The following RBFOX3 variants were observed in gnomAD, a reference collection of about 807,000 sequenced individuals.
RBFOX3 encodes the protein RNA binding protein fox-1 homolog 3.
A neutral mutation model predicts 48.7 loss-of-function variants in RBFOX3; 17 were observed. The ratio of observed to expected loss-of-function variants is 0.35; its 90% CI spans 0.24 to 0.52. The LOEUF is 0.52. Among genes scored for constraint, RBFOX3 ranks in the 20% least tolerant of loss-of-function variants. RBFOX3 has a pLI of 0.94. For missense variants in RBFOX3, 382 were observed against 497.5 expected, an observed-to-expected ratio of 0.77 and a Z score of 2.21; for synonymous variants, 212 against 209.5, an observed-to-expected ratio of 1.01 and a Z score of -0.10.
intron 3 of RBFOX3, among the ~76,000 whole-genome samples, chr17:79,241,356 C>T (rs1207568748): frequency 6.6e-6 from 1 of 152,120 alleles, no homozygotes; most frequent in Non-Finnish European, 1.5e-5. Context: ...CACCATCCTG[C>T]ACTTCTGGGG....
the RBFOX3 span, among the ~76,000 whole-genome samples, chr17:79,624,458 C>A: frequency 6.6e-6 from 1 of 152,310 alleles, no homozygotes; most frequent in Non-Finnish European, 1.5e-5. Context: ...AGTTGCCAGG[C>A]AGCCAGAAAG....
At chr17:79,518,619 A>C (rs2085600479) in intron 1 of RBFOX3, among the ~76,000 whole-genome samples, 1 of 152,200 alleles carries the variant, frequency 6.6e-6, no homozygotes, top group African/African-American at 2.4e-5. Flanking sequence ...CCACCACTGG[A>C]AGGGCAGGCC....
At position 79,239,087 on chromosome 17, in the gene RBFOX3, AACCAACTCCAGTGG is replaced by A. The variant is rs1567897346; in HGVS notation, c.-73-3296_-73-3283del. ...GCAGAGCAGCCCACAATTTGGGAGC[AACCAACTCCAGTGG>A]TGGCCTGGTTGCCCATCCCTGGGAT... On this transcript the variant is annotated intron_variant, in intron 3 of 14. Transcript: ENST00000693108. Among the ~76,000 whole-genome samples the A allele has an allele frequency of 3.9e-5, 6 of 152,174 alleles. No individual in the cohort carries two copies. In the East Asian group the frequency reaches 9.7e-4, roughly 24 times the overall value.
chr17:79,274,884 C>T (rs2068436993), intron 3 of RBFOX3, among the ~76,000 whole-genome samples: 1 of 151,976 alleles, frequency 6.6e-6, no homozygotes, highest in South Asian at 2.1e-4. Context: ...ACCCCAAATC[C>T]CCTTCTCTCT....
intron 1 of RBFOX3, among the ~76,000 whole-genome samples, chr17:79,597,298 G>C (rs2093593472): frequency 6.6e-6 from 1 of 152,194 alleles, no homozygotes; most frequent in Admixed American, 6.5e-5. Flanking sequence ...TGTGCTCCAG[G>C]GACTCCGGTT....
chr17:79,573,482 G>A (rs981665401), intron 1 of RBFOX3, among the ~76,000 whole-genome samples: 199 of 152,272 alleles, frequency 1.3e-3, no homozygotes, highest in Non-Finnish European at 2.4e-3. Context: ...CACGGCCCTG[G>A]AGACACTCTC....
At position 79,212,287 on chromosome 17, in the gene RBFOX3, C is replaced by T. The variant is rs1020565207; in HGVS notation, c.-34+23479G>A. Among the ~76,000 whole-genome samples, 15 of 152,166 alleles carry T rather than the reference C, an allele frequency of 9.9e-5. No individual in the cohort carries two copies. The highest frequency in any genetic ancestry group is 3.4e-4 in the African/African-American group (14 of 41,432). On this transcript the variant is annotated intron_variant, in intron 4 of 14. Coordinates refer to ENST00000693108, the MANE Select transcript of RBFOX3 (RefSeq NM_001350451.2). The surrounding 1 kb of genome is among the most constrained non-coding windows in gnomAD (Gnocchi z 4.7). ...GGGCTGGGGCTGGGGCAGGGCTGCT[C>T]CGCCTGGGCTCCTACGTGACTCCTT...
chr17:79,285,065 C>T (rs1206791754), intron 3 of RBFOX3, among the ~76,000 whole-genome samples: 2 of 152,334 alleles, frequency 1.3e-5, no homozygotes, highest in South Asian at 4.1e-4. Context: ...CTCAGTTTTC[C>T]ATCCACAAAA....
chr17:79,418,462 G>A lies in RBFOX3; in HGVS notation c.-175+63992C>T, dbSNP rs1259091416. 3.3e-5 allele frequency among the ~76,000 whole-genome samples: 5 copies of A among 152,222 alleles called. No individual in the cohort carries two copies. Among genetic ancestry groups the A allele is most frequent in the East Asian group, 1.9e-4 (1 of 5,198 alleles). On this transcript the variant is annotated intron_variant, in intron 2 of 14. Coordinates refer to ENST00000693108, the MANE Select transcript of RBFOX3 (RefSeq NM_001350451.2). The surrounding 1 kb of genome is among the most constrained non-coding windows in gnomAD (Gnocchi z 5.0). ...AAGAAGGATTCACACCGTGCCACGC[G>A]AGAAAGCCGTGTGTGTCAGCCAAGA...
At chr17:79,157,943 G>C (rs755054944) in intron 4 of RBFOX3, among the ~76,000 whole-genome samples, 1 of 152,196 alleles carries the variant, frequency 6.6e-6, no homozygotes, top group Non-Finnish European at 1.5e-5. Context: ...GAGAACGACC[G>C]AGCTGTATCA....
Position 79,423,549 on chromosome 17 carries a change from C to G in RBFOX3, c.-175+58905G>C, listed in dbSNP as rs575761652. ...CCCAGCACCTGGGGTTCTCCGCTAT[C>G]TCCCACACATCGTTCTCAAACGCCG... On this transcript the variant is annotated intron_variant, in intron 2 of 14. Coordinates refer to ENST00000693108, the MANE Select transcript of RBFOX3 (RefSeq NM_001350451.2). The surrounding 1 kb of genome is among the most constrained non-coding windows in gnomAD (Gnocchi z 4.9). Among the ~76,000 whole-genome samples, 1 of 152,094 alleles carries G rather than the reference C, an allele frequency of 6.6e-6. No individual in the cohort carries two copies. The highest frequency in any genetic ancestry group is 2.1e-4 in the South Asian group (1 of 4,832).
At position 79,332,976 on chromosome 17, in the gene RBFOX3, G is replaced by A. The variant is rs1028737981; in HGVS notation, c.-174-25152C>T. On this transcript the variant is annotated intron_variant, in intron 2 of 14. Transcript: ENST00000693108. ...GGAGGGAAAGAGACAGACAGAAAGAGGTAGAGAGACAGAGAGAGAGAAACA... is the reference window on the plus strand; with the variant it reads ...GGAGGGAAAGAGACAGACAGAAAGAAGTAGAGAGACAGAGAGAGAGAAACA... 6.0e-5 allele frequency among the ~76,000 whole-genome samples: 9 copies of A among 149,100 alleles called. 1 individual carries two copies. The highest frequency in any genetic ancestry group is 1.3e-4 in the Non-Finnish European group (9 of 67,164).
chr17:79,514,018 TC>T (rs1354214280), intron 1 of RBFOX3, among the ~76,000 whole-genome samples: 5 of 152,178 alleles, frequency 3.3e-5, no homozygotes, highest in African/African-American at 1.2e-4. Context: ...CTGTGATTGG[TC>T]CAGGGGCAGG....
chr17:79,318,330 C>G (rs2077829800), intron 2 of RBFOX3, among the ~76,000 whole-genome samples: 1 of 152,118 alleles, frequency 6.6e-6, no homozygotes, highest in African/African-American at 2.4e-5. Flanking sequence ...GAGCCAAAAC[C>G]CAGGAGATGA....
intron 2 of RBFOX3, among the ~76,000 whole-genome samples, chr17:79,440,393 C>A (rs952473141): frequency 2.0e-5 from 3 of 152,136 alleles, no homozygotes; most frequent in Non-Finnish European, 4.4e-5. Context: ...ATCTGATGCA[C>A]CAGGGGCCCG....
At chr17:79,091,876 G>A in intron 14 of RBFOX3, 1 of 788,332 alleles carries the variant, frequency 1.3e-6, no homozygotes. Flanking sequence ...GTGCTAAGGA[G>A]TCGCAGAGAC....
At chr17:79,105,780 A>G (rs1228503084) in intron 6 of RBFOX3, among the ~76,000 whole-genome samples, 1 of 152,116 alleles carries the variant, frequency 6.6e-6, no homozygotes. Flanking sequence ...TGGGGTGGGC[A>G]CCGTGGCAGG....
At chr17:79,446,143 A>G (rs909590612) in intron 2 of RBFOX3, among the ~76,000 whole-genome samples, 1 of 151,194 alleles carries the variant, frequency 6.6e-6, no homozygotes, top group Non-Finnish European at 1.5e-5. Flanking sequence ...GAGGCTCTGA[A>G]CTCCTCACCC....
intron 2 of RBFOX3, among the ~76,000 whole-genome samples, chr17:79,407,553 G>A (rs1259368323): frequency 1.3e-5 from 2 of 152,226 alleles, no homozygotes; most frequent in East Asian, 1.9e-4. Context: ...AGAGCAAGAC[G>A]GGAACATGCA....
Sources: gnomAD v4.1 joint callset for allele counts (sites outside exome capture counted in the v4.1 genomes callset) on GRCh38, gnomAD v4.1.1 for gene constraint, Gnocchi (gnomAD v3.1) non-coding constraint, MANE v1.5 for transcripts, NCBI Gene and HGNC (gene_info 2026-07-23, HGNC 2026-07-21) for gene names.